The following CLYBL variants were observed in gnomAD, a reference collection of about 807,000 sequenced individuals.
CLYBL encodes citramalyl-CoA lyase.
A neutral mutation model predicts 38.9 loss-of-function variants in CLYBL; 31 were observed. The observed-to-expected ratio is 0.80, with a 90% CI of 0.60 to 1.08. CLYBL has a LOEUF of 1.08. Ranked by LOEUF, CLYBL falls within the 50% of genes least tolerant of loss-of-function variation. The pLI, the probability that CLYBL is intolerant of heterozygous loss-of-function variation, is 0.00. For missense variants in CLYBL, 434 were observed against 411.6 expected (o/e 1.05, Z -0.47); for synonymous variants, 171 against 158.6 (o/e 1.08, Z -0.59).
chr13:99,621,852 A>C (rs2046802751), intron 1 of CLYBL, among the ~76,000 whole-genome samples: 1 of 152,188 alleles, frequency 6.6e-6, no homozygotes, highest in Admixed American at 6.5e-5. Context: ...AGGGAAGCCA[A>C]AAAAACTGGA....
chr13:99,806,457 T>G (rs2050234654), intron 2 of CLYBL, among the ~76,000 whole-genome samples: 1 of 152,244 alleles, frequency 6.6e-6, no homozygotes, highest in African/African-American at 2.4e-5. Flanking sequence ...AGTTATCTGT[T>G]GGATGACCCT....
At chr13:99,842,644 G>A (rs1169011104) in intron 2 of CLYBL, among the ~76,000 whole-genome samples, 2 of 152,010 alleles carry the variant, frequency 1.3e-5, no homozygotes, top group East Asian at 1.9e-4. Flanking sequence ...AACCTAATAT[G>A]AACTCAGAAC....
chr13:99,900,142 G>A (rs1178619862), downstream of CLYBL, among the ~76,000 whole-genome samples: 1 of 152,002 alleles, frequency 6.6e-6, no homozygotes, highest in African/African-American at 2.4e-5. Context: ...GGCCAGGCTG[G>A]ACTCGAGCTC....
chr13:99,893,043 A>T (rs1247100615), downstream of CLYBL: 1 of 152,368 alleles, frequency 6.6e-6, no homozygotes, highest in East Asian at 1.9e-4. Flanking sequence ...CACAGGATCC[A>T]GGAGACAGAT....
At chr13:99,606,827 G>A in intron 1 of CLYBL, 70 bp downstream of exon 1, 1 of 1,302,504 alleles carries the variant, frequency 7.7e-7, no homozygotes, top group Non-Finnish European at 9.7e-7. Context: ...TTGCAGCCCC[G>A]CGGGCCGGGC....
At chr13:99,757,419 G>A (rs533658764) in intron 1 of CLYBL, among the ~76,000 whole-genome samples, 4 of 152,074 alleles carry the variant, frequency 2.6e-5, no homozygotes, top group African/African-American at 9.6e-5. Context: ...GCTCAGCTGC[G>A]CATTAGAATC....
chr13:99,840,238 T>C (rs1473609536), intron 2 of CLYBL, among the ~76,000 whole-genome samples: 3 of 89,622 alleles, frequency 3.3e-5, no homozygotes, highest in African/African-American at 1.0e-4. Context: ...CCTGAGCCCT[T>C]ACTCTCCTTT....
intron 2 of CLYBL, among the ~76,000 whole-genome samples, chr13:99,796,766 C>T (rs537574914): frequency 4.9e-4 from 75 of 152,166 alleles, no homozygotes; most frequent in Non-Finnish European, 9.1e-4. Context: ...TCTCAAGTTG[C>T]CAGGCAGGTT....
At chr13:99,796,353 G>A (rs1439078294) in intron 2 of CLYBL, among the ~76,000 whole-genome samples, 1 of 152,146 alleles carries the variant, frequency 6.6e-6, no homozygotes, top group Non-Finnish European at 1.5e-5. Context: ...CCCCACCATA[G>A]TTCCTTCCAG....
chr13:99,729,324 T>C (rs1221878335), intron 1 of CLYBL, among the ~76,000 whole-genome samples: 2 of 152,198 alleles, frequency 1.3e-5, no homozygotes, highest in Non-Finnish European at 2.9e-5. Flanking sequence ...CTCCAAACCT[T>C]CCTTCAGCAG....
intron 2 of CLYBL, among the ~76,000 whole-genome samples, chr13:99,812,607 A>C (rs945599324): frequency 1.3e-5 from 2 of 152,236 alleles, no homozygotes; most frequent in African/African-American, 4.8e-5. Flanking sequence ...TCTGTGTTCT[A>C]TGACCTCCCT....
intron 1 of CLYBL, among the ~76,000 whole-genome samples, chr13:99,668,596 A>G (rs376902009): frequency 3.3e-5 from 5 of 150,012 alleles, no homozygotes; most frequent in African/African-American, 7.3e-5. Context: ...AAAAAAAAAA[A>G]AAAGAAAAAA....
chr13:99,701,797 C>G (rs2048070648), intron 1 of CLYBL, among the ~76,000 whole-genome samples: 1 of 152,174 alleles, frequency 6.6e-6, no homozygotes, highest in African/African-American at 2.4e-5. Context: ...GCCTCAGCTT[C>G]CCGAATAGCT....
At chr13:99,739,502 A>G (rs538557864) in intron 1 of CLYBL, among the ~76,000 whole-genome samples, 2 of 152,282 alleles carry the variant, frequency 1.3e-5, no homozygotes, top group South Asian at 4.2e-4. Context: ...AAGCCTGTGG[A>G]TGCCCACCAG....
intron 1 of CLYBL, among the ~76,000 whole-genome samples, chr13:99,678,018 G>A (rs147111384): frequency 3.3e-5 from 5 of 152,294 alleles, no homozygotes; most frequent in East Asian, 1.9e-4. Context: ...GGAGGAAACC[G>A]TATGAAATGT....
At chr13:99,785,712 C>T (rs2049776144) in intron 2 of CLYBL, among the ~76,000 whole-genome samples, 1 of 151,914 alleles carries the variant, frequency 6.6e-6, no homozygotes, top group African/African-American at 2.4e-5. Flanking sequence ...TTCTTTGCCT[C>T]AGCCTCTCCG....
At chr13:99,711,579 T>C (rs2048233801) in intron 1 of CLYBL, among the ~76,000 whole-genome samples, 1 of 150,530 alleles carries the variant, frequency 6.6e-6, no homozygotes. Flanking sequence ...GCTAATTTTG[T>C]ATTTTTAGTA....
At chr13:99,654,919 T>G (rs1334798162) in intron 1 of CLYBL, among the ~76,000 whole-genome samples, 1 of 151,610 alleles carries the variant, frequency 6.6e-6, no homozygotes, top group Non-Finnish European at 1.5e-5. Context: ...GCAGGAGAAT[T>G]GCTTGAACCC....
intron 1 of CLYBL, among the ~76,000 whole-genome samples, chr13:99,727,894 A>G (rs1172017765): frequency 6.6e-6 from 1 of 152,120 alleles, no homozygotes; most frequent in Non-Finnish European, 1.5e-5. Context: ...CCTGGCCAAC[A>G]TGGTGAAATC....
Sources: gnomAD v4.1 joint callset for allele counts (sites outside exome capture counted in the v4.1 genomes callset) on GRCh38, gnomAD v4.1.1 for gene constraint, MANE v1.5 for transcripts, NCBI Gene and HGNC (gene_info 2026-07-23, HGNC 2026-07-21) for gene names.